The following CPNE5 variants were observed in gnomAD, a reference collection of about 807,000 sequenced individuals.
The protein encoded by CPNE5 is copine-5.
A neutral mutation model predicts 81.1 loss-of-function variants in CPNE5; 42 were observed. That is an observed-to-expected ratio of 0.52 (90% CI 0.40 to 0.67). The LOEUF (loss-of-function observed/expected upper bound fraction) is 0.67. Among genes scored for constraint, CPNE5 ranks in the 30% least tolerant of loss-of-function variants. CPNE5 has a pLI of 0.00. For missense variants in CPNE5, 612 were observed against 815.5 expected (o/e 0.75, Z 3.04); for synonymous variants, 313 against 321.5 (o/e 0.97, Z 0.28).
At position 36,746,523 on chromosome 6, in the gene CPNE5, G is replaced by T; in HGVS notation, c.1073C>A (p.Ala358Asp). 6.2e-7 allele frequency: 1 copy of T among 1,613,794 alleles called. No homozygotes were observed. The highest frequency in any genetic ancestry group is 8.5e-7 in the Non-Finnish European group (1 of 1,179,770). ...GACGGCAGTCAGCGCCAGCGCGTAG[G>T]CGTTCAGCTGGTAGGGGCTCATGTA... ...LHYMSPYQLN[A>D]YALALTAVGE... The change falls in exon 16 of 21, where the codon GCC (alanine) becomes GAC (aspartate). Residue 358 changes from alanine to aspartate, a missense_variant. Transcript: ENST00000244751. The surrounding 1 kb of genome is among the most constrained non-coding windows in gnomAD (Gnocchi z 4.5).
rs750189550 is a variant in CPNE5 at position 36,823,048 on chromosome 6, C to A, written c.136+10G>T. 4 of 1,569,880 alleles carry A rather than the reference C, an allele frequency of 2.5e-6. No homozygotes were observed. The highest frequency in any genetic ancestry group is 3.5e-6 in the Non-Finnish European group (4 of 1,155,960). On this transcript the variant is annotated intron_variant, in intron 2 of 20. Transcript: ENST00000244751. ...ATTGTTACCGTTCTTATTGTCAGAG[C>A]AGGACTTACGTGGGTCGGACTTGGA...
intron 14 of CPNE5, among the ~76,000 whole-genome samples, chr6:36,751,004 A>T (rs1405763865): frequency 1.3e-5 from 2 of 152,248 alleles, no homozygotes; most frequent in African/African-American, 4.8e-5. Flanking sequence ...CTCCTCTGAC[A>T]GTGGGGCCAA....
intron 10 of CPNE5, among the ~76,000 whole-genome samples, chr6:36,768,173 G>T (rs1291929762): frequency 1.3e-5 from 2 of 150,116 alleles, no homozygotes; most frequent in Non-Finnish European, 3.0e-5. Context: ...AGAGACAGGG[G>T]GAAGACCATG....
chr6:36,745,569 C>A, intron 16 of CPNE5, 54 bp from the exon 17 acceptor site: 1 of 1,546,690 alleles, frequency 6.5e-7, no homozygotes. Flanking sequence ...CAGGGGTGCA[C>A]GATGTGTGGG....
At chr6:36,819,402 C>G (rs1241637253) in intron 3 of CPNE5, among the ~76,000 whole-genome samples, 2 of 152,168 alleles carry the variant, frequency 1.3e-5, no homozygotes, top group Admixed American at 6.5e-5. Context: ...GTCTGGCCCC[C>G]ACATGTTTCC....
At chr6:36,827,952 A>C (rs1165968364) in intron 1 of CPNE5, among the ~76,000 whole-genome samples, 2 of 152,034 alleles carry the variant, frequency 1.3e-5, no homozygotes, top group Non-Finnish European at 2.9e-5. Context: ...TTGTTCCTTA[A>C]ATCAAGGCCA....
intron 10 of CPNE5, among the ~76,000 whole-genome samples, chr6:36,772,112 C>T (rs1219505468): frequency 2.0e-5 from 3 of 152,146 alleles, no homozygotes; most frequent in Admixed American, 2.0e-4. Flanking sequence ...CTCCTGCAAC[C>T]CTGGGAGCTC....
chr6:36,742,245 C>A lies in CPNE5; in HGVS notation c.*23G>T, dbSNP rs1763630774. On this transcript the variant is annotated 3_prime_UTR_variant, in exon 21 of 21. Transcript: ENST00000244751. ...TCACCTGGCCTCTCCCAGGCCCCAGCCACCTGCCTGCTGAGACCAGGTTCA... is the reference window on the plus strand; with the variant it reads ...TCACCTGGCCTCTCCCAGGCCCCAGACACCTGCCTGCTGAGACCAGGTTCA... The A allele has an allele frequency of 6.5e-7, 1 of 1,528,560 alleles. No individual in the cohort carries two copies. 94.7% of individuals were successfully genotyped at this position (1,528,560 alleles called of 1,614,324 possible).
chr6:36,742,435 T>C lies in CPNE5; in HGVS notation c.1615A>G (p.Met539Val). ...AGCACGTCTCGGGCCAGGCGGGCCATGCTCAGCACGTGGTTGCCTGTGCGG... is the reference window on the plus strand; with the variant it reads ...AGCACGTCTCGGGCCAGGCGGGCCACGCTCAGCACGTGGTTGCCTGTGCGG... ...VDRTGNHVLS[M>V]ARLARDVLAE... Residue 539 changes from methionine (M) to valine (V), a missense_variant, in exon 21 of 21, where the codon ATG becomes GTG. Met to Val is a conservative substitution (Grantham distance 21). Transcript: ENST00000244751. The C allele has an allele frequency of 6.2e-7, 1 of 1,613,612 alleles. No homozygotes were observed. The highest frequency in any genetic ancestry group is 1.1e-5 in the South Asian group (1 of 91,086).
chr6:36,748,376 T>C (rs1316967067), intron 14 of CPNE5, 109 bp from the exon 15 acceptor site: 2 of 950,348 alleles, frequency 2.1e-6, no homozygotes, highest in Non-Finnish European at 3.4e-6. Context: ...TTGCCAGGTG[T>C]GTGGCCTTGG....
chr6:36,756,774 A>C (rs754621938), intron 12 of CPNE5, among the ~76,000 whole-genome samples: 2 of 151,976 alleles, frequency 1.3e-5, no homozygotes, highest in Non-Finnish European at 1.5e-5. Flanking sequence ...TCCCCTCTCC[A>C]TCACCATCCC....
At chr6:36,824,000 C>T (rs1174170622) in intron 1 of CPNE5, among the ~76,000 whole-genome samples, 6 of 152,264 alleles carry the variant, frequency 3.9e-5, no homozygotes, top group African/African-American at 7.2e-5. Flanking sequence ...CCAGTGGAAA[C>T]GCAGTCTCTG....
chr6:36,783,313 C>A (rs540004208), intron 8 of CPNE5, among the ~76,000 whole-genome samples: 1 of 146,998 alleles, frequency 6.8e-6, no homozygotes, highest in South Asian at 2.1e-4. Flanking sequence ...GCACAACAAA[C>A]CCCCATAACA....
chr6:36,752,964 C>A, intron 14 of CPNE5, 70 bp downstream of exon 14: 1 of 1,307,212 alleles, frequency 7.6e-7, no homozygotes, highest in Non-Finnish European at 1.1e-6. Context: ...GGGCCAGAGC[C>A]GGTCCTGTCG....
chr6:36,762,365 CAT>C (rs1278368473), intron 12 of CPNE5, among the ~76,000 whole-genome samples: 3 of 152,094 alleles, frequency 2.0e-5, no homozygotes, highest in South Asian at 2.1e-4. Context: ...CACACACACA[CAT>C]GCAGACATTG....
chr6:36,786,381 T>C (rs113569255), intron 8 of CPNE5, among the ~76,000 whole-genome samples: 1,890 of 152,320 alleles, frequency 0.012, 39 homozygotes, highest in African/African-American at 0.043. Flanking sequence ...TCTTTATGCA[T>C]TGACTGTAAT....
At chr6:36,743,874 T>C in intron 19 of CPNE5, 112 bp from the exon 20 acceptor site, 2 of 923,112 alleles carry the variant, frequency 2.2e-6, no homozygotes, top group Non-Finnish European at 3.5e-6. Context: ...CCGAGACCAC[T>C]GGCCCATGCC....
chr6:36,756,139 G>A (rs12203137), intron 13 of CPNE5, 106 bp downstream of exon 13: 172,431 of 544,676 alleles, frequency 0.32, 22,672 homozygotes, highest in East Asian at 0.37. Context: ...TGATTCCCAC[G>A]CTCAGCCCCT....
At chr6:36,830,682 G>A (rs1178952844) in intron 1 of CPNE5, among the ~76,000 whole-genome samples, 1 of 152,198 alleles carries the variant, frequency 6.6e-6, no homozygotes, top group Non-Finnish European at 1.5e-5. Flanking sequence ...ATGCTTCTGA[G>A]CTGGAGTCCC....
Sources: allele counts gnomAD v4.1 joint callset (sites outside exome capture counted in the v4.1 genomes callset), GRCh38; gene constraint gnomAD v4.1.1; non-coding constraint Gnocchi (gnomAD v3.1); transcripts MANE v1.5; gene names NCBI Gene and HGNC (gene_info 2026-07-23, HGNC 2026-07-21).